Variants in ADAM22 observed in about 807,000 individuals in gnomAD.
The protein encoded by ADAM22 is ADAM metallopeptidase domain 22.
Under a neutral mutation model 144.6 loss-of-function variants are expected in ADAM22, and 65 were observed. That is an observed-to-expected ratio of 0.45 (90% CI 0.37 to 0.55). The LOEUF is 0.55. Ranked by LOEUF, ADAM22 falls within the 20% of genes least tolerant of loss-of-function variation. The pLI is 0.00. For synonymous variants in ADAM22, 391 were observed against 412.6 expected, an observed-to-expected ratio of 0.95 and a Z score of 0.63; for missense variants, 974 against 1,184.9, an observed-to-expected ratio of 0.82 and a Z score of 2.61.
At position 88,078,597 on chromosome 7, in the gene ADAM22, G is replaced by GA. The variant is rs569460352; in HGVS notation, c.390+2913dup. On this transcript the variant is annotated intron_variant, in intron 4 of 31. Coordinates refer to ENST00000413139, the MANE Select transcript of ADAM22 (RefSeq NM_001324418.2). Reference sequence around the variant, plus strand: ...CAATGGCAAAGAAGTTAAAAACTTTGAAAAAAAATTAGACGAATGGATAAC... The same window carrying GA: ...CAATGGCAAAGAAGTTAAAAACTTTGAAAAAAAAATTAGACGAATGGATAAC... 2.1e-3 allele frequency among the ~76,000 whole-genome samples: 314 copies of GA among 151,968 alleles called. 2 individuals carry two copies. Among genetic ancestry groups the GA allele is most frequent in the African/African-American group, 7.1e-3 (295 of 41,470 alleles).
intron 3 of ADAM22, among the ~76,000 whole-genome samples, chr7:87,999,255 A>G (rs1562988261): frequency 2.0e-5 from 3 of 152,240 alleles, no homozygotes; most frequent in Non-Finnish European, 4.4e-5. Flanking sequence ...GTTACAGATA[A>G]GAAGGGAAAA....
rs866397413 is a variant in ADAM22 at position 87,978,411 on chromosome 7, C to A, written c.322C>A (p.His108Asn). ...TSFILDVVLN[H>N]DLLSSEYIER... is the part of the protein sequence containing the mutation. Reference sequence around the variant, plus strand: ...ATTCATTCTCGATGTCGTGCTAAATCAGTAAGTGTTGAGTTGCACTTGCTT... The same window carrying A: ...ATTCATTCTCGATGTCGTGCTAAATAAGTAAGTGTTGAGTTGCACTTGCTT... The change falls in exon 3 of 32, where the codon CAT becomes AAT. Residue 108 changes from histidine to asparagine, a missense_variant and splice_region_variant. His to Asn is a moderately conservative substitution (Grantham distance 68, BLOSUM62 1). This residue lies in a region of ADAM22 where 240 missense variants were observed against 234.3 expected (regional missense o/e 1.02). Transcript: ENST00000413139. 8.1e-6 allele frequency: 13 copies of A among 1,613,296 alleles called. No individual in the cohort carries two copies. Among genetic ancestry groups the A allele is most frequent in the Non-Finnish European group, 1.1e-5 (13 of 1,179,612 alleles).
chr7:88,147,372 T>C (rs17150270), intron 17 of ADAM22, among the ~76,000 whole-genome samples: 1 of 152,182 alleles, frequency 6.6e-6, no homozygotes, highest in African/African-American at 2.4e-5. Context: ...TATAATAGTG[T>C]ATCTATAAGC....
At chr7:88,014,014 A>G (rs1237045491) in intron 3 of ADAM22, among the ~76,000 whole-genome samples, 3 of 152,170 alleles carry the variant, frequency 2.0e-5, no homozygotes, top group African/African-American at 7.2e-5. Context: ...CTCTCCTTCT[A>G]AGGAGTAACA....
At chr7:88,080,283 G>C (rs1816115623) in intron 4 of ADAM22, among the ~76,000 whole-genome samples, 1 of 152,072 alleles carries the variant, frequency 6.6e-6, no homozygotes, top group Non-Finnish European at 1.5e-5. Flanking sequence ...AAATAAAGAG[G>C]TTCTTTGAAA....
chr7:87,965,011 A>G (rs1848729990), intron 2 of ADAM22, among the ~76,000 whole-genome samples: 1 of 152,182 alleles, frequency 6.6e-6, no homozygotes, highest in Admixed American at 6.5e-5. Context: ...TTACAGACAC[A>G]CACCACAATC....
chr7:88,178,414 G>A (rs963431303), intron 26 of ADAM22, among the ~76,000 whole-genome samples: 1 of 151,926 alleles, frequency 6.6e-6, no homozygotes, highest in Non-Finnish European at 1.5e-5. Flanking sequence ...GCTCTAAATT[G>A]AACATCAAAC....
At chr7:88,029,217 T>A (rs1434655210) in intron 3 of ADAM22, among the ~76,000 whole-genome samples, 1 of 152,150 alleles carries the variant, frequency 6.6e-6, no homozygotes, top group East Asian at 1.9e-4. Context: ...AGGCTTTGAT[T>A]TCTTGCTTTT....
chr7:88,106,810 T>A (rs1824520094), intron 4 of ADAM22, among the ~76,000 whole-genome samples: 1 of 152,214 alleles, frequency 6.6e-6, no homozygotes, highest in South Asian at 2.1e-4. Context: ...CCTAGTGATG[T>A]CAATGCTGCT....
At chr7:88,170,631 T>C (rs756442925) in intron 25 of ADAM22, among the ~76,000 whole-genome samples, 10 of 151,980 alleles carry the variant, frequency 6.6e-5, no homozygotes, top group Non-Finnish European at 1.3e-4. Context: ...CATGTGCCCG[T>C]TATCAAACGT....
At chr7:87,961,895 A>G (rs577929421) in intron 2 of ADAM22, among the ~76,000 whole-genome samples, 10 of 152,334 alleles carry the variant, frequency 6.6e-5, no homozygotes, top group Non-Finnish European at 1.2e-4. Flanking sequence ...TTCAACAATC[A>G]TTTTTCAAAA....
intron 2 of ADAM22, among the ~76,000 whole-genome samples, chr7:87,973,819 T>C (rs1299181430): frequency 2.0e-5 from 3 of 152,084 alleles, no homozygotes; most frequent in Non-Finnish European, 4.4e-5. Context: ...ACCATCATTC[T>C]CAGCAAACTA....
chr7:88,130,533 A>G, intron 10 of ADAM22, 74 bp downstream of exon 10: 1 of 1,446,830 alleles, frequency 6.9e-7, no homozygotes, highest in Non-Finnish European at 9.6e-7. Flanking sequence ...GGATAATATG[A>G]TTCTTATAGT....
chr7:88,177,217 C>T (rs1192803119), intron 26 of ADAM22, among the ~76,000 whole-genome samples: 1 of 151,556 alleles, frequency 6.6e-6, no homozygotes, highest in African/African-American at 2.4e-5. Flanking sequence ...TAATGTAATA[C>T]AAAAGGGAAG....
At chr7:88,116,381 C>CG (rs1827766571) in intron 6 of ADAM22, among the ~76,000 whole-genome samples, 2 of 152,152 alleles carry the variant, frequency 1.3e-5, no homozygotes, top group Admixed American at 6.5e-5. Context: ...AGTCTGCCTA[C>CG]CAAAGCTCTC....
chr7:88,162,103 C>CACAA (rs1841833264), intron 22 of ADAM22, among the ~76,000 whole-genome samples: 1 of 148,412 alleles, frequency 6.7e-6, no homozygotes, highest in Admixed American at 6.7e-5. Flanking sequence ...GTAATACACA[C>CACAA]ACACACACAC....
chr7:88,123,731 A>T (rs143252093), intron 7 of ADAM22, among the ~76,000 whole-genome samples: 1 of 151,812 alleles, frequency 6.6e-6, no homozygotes, highest in Non-Finnish European at 1.5e-5. Context: ...TTCTAACATA[A>T]CCACTTAAAG....
chr7:88,033,105 T>C (rs1197445534), intron 3 of ADAM22, among the ~76,000 whole-genome samples: 1 of 152,222 alleles, frequency 6.6e-6, no homozygotes, highest in Non-Finnish European at 1.5e-5. Context: ...TGGATGTTCA[T>C]TGGTTTCTGG....
chr7:88,079,371 G>A (rs983426363), intron 4 of ADAM22, among the ~76,000 whole-genome samples: 46 of 152,088 alleles, frequency 3.0e-4, no homozygotes, highest in Non-Finnish European at 4.9e-4. Context: ...AGGAACAACC[G>A]GTACCAGCCG....
Sources: allele counts gnomAD v4.1 joint callset (sites outside exome capture counted in the v4.1 genomes callset), GRCh38; gene constraint gnomAD v4.1.1; regional missense constraint gnomAD v4.1.1; transcripts MANE v1.5; gene names NCBI Gene and HGNC (gene_info 2026-07-23, HGNC 2026-07-21).